Variants in EML4 observed in about 807,000 individuals in gnomAD.
EML4 encodes the protein EMAP like 4, also known as echinoderm microtubule-associated protein-like 4.
A neutral mutation model predicts 129.0 loss-of-function variants in EML4; 72 were observed. The ratio of observed to expected loss-of-function variants is 0.56; its 90% CI spans 0.46 to 0.68. The LOEUF is 0.68. EML4 is among the 30% of genes least tolerant of loss of function. The probability of loss-of-function intolerance (pLI) is 0.00; values close to 1 mark genes in which losing one functional copy is unlikely to be tolerated. For missense variants in EML4, 1,363 were observed against 1,190.6 expected (o/e 1.14, Z -2.13); for synonymous variants, 532 against 405.0 (o/e 1.31, Z -3.77).
intron 10 of EML4, among the ~76,000 whole-genome samples, chr2:42,287,492 G>T (rs1412099409): frequency 6.6e-6 from 1 of 152,122 alleles, no homozygotes; most frequent in Non-Finnish European, 1.5e-5. Flanking sequence ...GAGGAGAAGA[G>T]AGTAAGCTCT....
intron 1 of EML4, among the ~76,000 whole-genome samples, chr2:42,195,944 C>G (rs892739443): frequency 2.4e-4 from 37 of 152,162 alleles, no homozygotes; most frequent in African/African-American, 6.0e-4. Flanking sequence ...ATCATTTACT[C>G]CTTTTTCATG....
chr2:42,319,925 G>A (rs1005610132), intron 19 of EML4: 5 of 152,140 alleles, frequency 3.3e-5, no homozygotes, highest in African/African-American at 1.2e-4. Context: ...AATAAACTAT[G>A]ATATCTCTAA....
intron 2 of EML4, among the ~76,000 whole-genome samples, chr2:42,254,111 A>G (rs965901379): frequency 5.9e-5 from 9 of 152,344 alleles, no homozygotes; most frequent in Admixed American, 3.9e-4. Flanking sequence ...TGTTTGAGCA[A>G]TTGAAGTTGT....
intron 1 of EML4, among the ~76,000 whole-genome samples, chr2:42,211,532 C>G (rs1314445093): frequency 6.6e-6 from 1 of 152,176 alleles, no homozygotes; most frequent in African/African-American, 2.4e-5. Flanking sequence ...GATTAGTCCC[C>G]TCTGTAGTTA....
chr2:42,213,945 T>G (rs189413247), intron 1 of EML4, among the ~76,000 whole-genome samples: 39 of 152,328 alleles, frequency 2.6e-4, no homozygotes, highest in Non-Finnish European at 3.4e-4. Context: ...TAAAATTAAT[T>G]CCATCAACAG....
At chr2:42,210,311 T>G (rs554717515) in intron 1 of EML4, among the ~76,000 whole-genome samples, 3 of 152,132 alleles carry the variant, frequency 2.0e-5, no homozygotes, top group African/African-American at 4.8e-5. Flanking sequence ...GTATCAGATA[T>G]ATTGTAGAAT....
At chr2:42,236,644 T>C (rs1476052852) in intron 1 of EML4, among the ~76,000 whole-genome samples, 1 of 152,232 alleles carries the variant, frequency 6.6e-6, no homozygotes, top group Non-Finnish European at 1.5e-5. Context: ...GAAAAGTTTG[T>C]TGACTCCTAC....
chr2:42,212,628 A>G (rs1361189957), intron 1 of EML4, among the ~76,000 whole-genome samples: 1 of 152,194 alleles, frequency 6.6e-6, no homozygotes, highest in Non-Finnish European at 1.5e-5. Flanking sequence ...TATCCAGTTA[A>G]CAGATAAAAT....
intron 19 of EML4, among the ~76,000 whole-genome samples, chr2:42,320,763 A>G (rs866029787): frequency 1.6e-4 from 25 of 152,162 alleles, no homozygotes; most frequent in Admixed American, 6.5e-5. Context: ...CTGAGTGTCA[A>G]CATAATGGCT....
intron 1 of EML4, among the ~76,000 whole-genome samples, chr2:42,233,704 A>G (rs1297847587): frequency 6.6e-6 from 1 of 152,198 alleles, no homozygotes; most frequent in Non-Finnish European, 1.5e-5. Flanking sequence ...AATTATATTC[A>G]TTAACTTAGC....
chr2:42,252,478 T>A (rs558876589), intron 2 of EML4, among the ~76,000 whole-genome samples: 2 of 152,338 alleles, frequency 1.3e-5, no homozygotes, highest in Non-Finnish European at 2.9e-5. Context: ...TAGAGGGTAT[T>A]CTCTAAAATG....
At chr2:42,206,045 T>G (rs1672520439) in intron 1 of EML4, among the ~76,000 whole-genome samples, 1 of 152,236 alleles carries the variant, frequency 6.6e-6, no homozygotes, top group South Asian at 2.1e-4. Flanking sequence ...ATCACTCATT[T>G]GACAATTACT....
At chr2:42,222,386 A>C (rs1035600964) in intron 1 of EML4, among the ~76,000 whole-genome samples, 1 of 152,156 alleles carries the variant, frequency 6.6e-6, no homozygotes, top group African/African-American at 2.4e-5. Flanking sequence ...TGGTTGGAAA[A>C]AATCAAAAGA....
At chr2:42,307,332 G>A (rs990663701) in intron 17 of EML4, among the ~76,000 whole-genome samples, 2 of 152,230 alleles carry the variant, frequency 1.3e-5, no homozygotes, top group African/African-American at 4.8e-5. Context: ...TCTTGGAGTT[G>A]TAAGTAGAAA....
rs191521709 is a variant in EML4 at position 42,321,403 on chromosome 2, A to T, written c.2154+3879A>T. Among the ~76,000 whole-genome samples the T allele has an allele frequency of 3.9e-5, 6 of 152,058 alleles. No homozygotes were observed. The East Asian group carries it at 1.2e-3, about 29-fold the overall frequency. ...TCTGAAAAAATAAAAAAAAAGTAGT[A>T]CCTATTCACTTGAACACATCAGGGA... On this transcript the variant is annotated intron_variant, in intron 19 of 22. Coordinates refer to ENST00000318522, the MANE Select transcript of EML4 (RefSeq NM_019063.5).
rs114125971 is a variant in EML4, at chr2:42,250,961, T to G, written c.208+5274T>G. Among the ~76,000 whole-genome samples, 1,386 of 152,246 alleles carry G rather than the reference T, an allele frequency of 9.1e-3. 20 individuals carry two copies. The highest frequency in any genetic ancestry group is 0.032 in the African/African-American group (1,325 of 41,540). The stretch of plus-strand genomic sequence containing the variant: ...TTCTCATAGGAGCATGCAACCTAGA[T>G]CCCTCACATGTACAGTTCACAATAG... On this transcript the variant is annotated intron_variant, in intron 2 of 22. Coordinates refer to ENST00000318522, the MANE Select transcript of EML4 (RefSeq NM_019063.5).
rs1272672177 is a variant in EML4, at chr2:42,282,915, T to A, written c.884T>A (p.Phe295Tyr). ...TTCATTGCATCAGTAGTAGTACTAT[T>A]TAATTATGAGGAGAGAACTCAGCGA... ...VYFIASVVVL[F>Y]NYEERTQRHY... Residue 295 changes from phenylalanine to tyrosine, a missense_variant, in exon 8 of 23, where the codon TTT becomes TAT. Coordinates refer to ENST00000318522, the MANE Select transcript of EML4 (RefSeq NM_019063.5). 1 of 1,613,340 alleles carries A rather than the reference T, an allele frequency of 6.2e-7. No individual in the cohort carries two copies. Among genetic ancestry groups the A allele is most frequent in the African/African-American group, 1.3e-5 (1 of 74,902 alleles).
chr2:42,311,396 A>T (rs1668939935), intron 17 of EML4, among the ~76,000 whole-genome samples: 1 of 152,124 alleles, frequency 6.6e-6, no homozygotes, highest in African/African-American at 2.4e-5. Context: ...CCCCTCCTCT[A>T]CAAAAAATTA....
chr2:42,239,391 T>C (rs1674874567), intron 1 of EML4, among the ~76,000 whole-genome samples: 1 of 152,220 alleles, frequency 6.6e-6, no homozygotes, highest in Admixed American at 6.5e-5. Context: ...AAATTAACTG[T>C]GATTCAGTGT....
Sources: allele counts gnomAD v4.1 joint callset (sites outside exome capture counted in the v4.1 genomes callset), GRCh38; gene constraint gnomAD v4.1.1; transcripts MANE v1.5; gene names NCBI Gene and HGNC (gene_info 2026-07-23, HGNC 2026-07-21).